Variants in LRMDA observed in about 807,000 individuals in gnomAD.
The protein encoded by LRMDA is leucine-rich melanocyte differentiation-associated protein.
A neutral mutation model predicts 29.8 loss-of-function variants in LRMDA; 18 were observed. That is an observed-to-expected ratio of 0.60 (90% CI 0.42 to 0.90). The LOEUF (loss-of-function observed/expected upper bound fraction) is 0.90. Among genes scored for constraint, LRMDA ranks in the 40% least tolerant of loss-of-function variants. The pLI is 0.00. For missense variants in LRMDA, 273 were observed against 273.9 expected, an observed-to-expected ratio of 1.00 and a Z score of 0.02; for synonymous variants, 125 against 109.4, an observed-to-expected ratio of 1.14 and a Z score of -0.89.
At chr10:75,729,667 T>G (rs940693989) in intron 2 of LRMDA, among the ~76,000 whole-genome samples, 3 of 152,204 alleles carry the variant, frequency 2.0e-5, no homozygotes, top group Non-Finnish European at 4.4e-5. Flanking sequence ...AGGGAGTTTA[T>G]GTATCTGTGT....
chr10:76,403,743 A>G (rs1841873679), intron 6 of LRMDA, among the ~76,000 whole-genome samples: 1 of 152,156 alleles, frequency 6.6e-6, no homozygotes. Flanking sequence ...CATGATGGTT[A>G]TGCTTCTGGT....
intron 2 of LRMDA, among the ~76,000 whole-genome samples, chr10:75,463,230 T>C (rs1844608745): frequency 6.6e-6 from 1 of 152,136 alleles, no homozygotes; most frequent in Admixed American, 6.6e-5. Context: ...AGGGGTGCTT[T>C]CCAAACTTGA....
intron 2 of LRMDA, among the ~76,000 whole-genome samples, chr10:75,718,023 A>G (rs936495080): frequency 2.0e-5 from 3 of 152,210 alleles, no homozygotes; most frequent in African/African-American, 4.8e-5. Context: ...AAGTGAGTTT[A>G]TAAGAGTGCT....
intron 5 of LRMDA, among the ~76,000 whole-genome samples, chr10:76,269,928 G>A (rs1049537749): frequency 6.6e-6 from 1 of 152,208 alleles, no homozygotes; most frequent in Admixed American, 6.5e-5. Context: ...ATACCACCAT[G>A]TGGTGTAGGC....
intron 2 of LRMDA, among the ~76,000 whole-genome samples, chr10:75,917,546 A>G (rs1236885584): frequency 2.0e-5 from 3 of 152,244 alleles, no homozygotes; most frequent in African/African-American, 7.2e-5. Flanking sequence ...TGTGGTCAGA[A>G]CAAGGCTAAA....
intron 6 of LRMDA, among the ~76,000 whole-genome samples, chr10:76,331,000 G>A (rs1178112646): frequency 6.6e-6 from 1 of 152,172 alleles, no homozygotes; most frequent in Non-Finnish European, 1.5e-5. Context: ...GCCAGGTGCC[G>A]TGGCTCACGC....
intron 6 of LRMDA, among the ~76,000 whole-genome samples, chr10:76,391,445 T>C (rs1223691608): frequency 2.0e-5 from 3 of 152,232 alleles, no homozygotes; most frequent in Admixed American, 2.0e-4. Context: ...TAACCTACTA[T>C]GTATTTTATT....
rs149188378 is a variant in LRMDA, at chr10:75,548,424, T to A, written c.131+109930T>A. ...GAGAGTTTTGGGAGTTCCTTTCCCA[T>A]GCAACAGTGAGGAACTCTAATTTTA... On this transcript the variant is annotated intron_variant, in intron 2 of 6. Transcript: ENST00000611255. Among the ~76,000 whole-genome samples, 923 of 152,278 alleles carry A rather than the reference T, an allele frequency of 6.1e-3. 5 individuals carry two copies. The highest frequency in any genetic ancestry group is 0.054 in the Middle Eastern group (16 of 294).
chr10:76,306,377 T>C (rs1840556490), intron 5 of LRMDA, among the ~76,000 whole-genome samples: 1 of 152,230 alleles, frequency 6.6e-6, no homozygotes, highest in African/African-American at 2.4e-5. Flanking sequence ...GTGGGTGCTG[T>C]TGAATTGCTA....
At chr10:75,800,665 G>T (rs1843732277) in intron 2 of LRMDA, among the ~76,000 whole-genome samples, 1 of 151,960 alleles carries the variant, frequency 6.6e-6, no homozygotes, top group Non-Finnish European at 1.5e-5. Flanking sequence ...TTTCCTTGAG[G>T]TTCTTGAAAA....
intron 2 of LRMDA, among the ~76,000 whole-genome samples, chr10:75,656,155 C>T (rs1004569703): frequency 2.0e-5 from 3 of 152,124 alleles, no homozygotes; most frequent in Admixed American, 6.5e-5. Flanking sequence ...TTATTTTATC[C>T]GAAAGTACTT....
At chr10:76,196,214 G>A (rs1402652011) in intron 5 of LRMDA, among the ~76,000 whole-genome samples, 3 of 152,212 alleles carry the variant, frequency 2.0e-5, no homozygotes, top group Admixed American at 6.5e-5. Flanking sequence ...GTGTTTACAT[G>A]AGCTAGGACA....
chr10:75,864,840 C>G (rs1192505697), intron 2 of LRMDA, among the ~76,000 whole-genome samples: 1 of 152,166 alleles, frequency 6.6e-6, no homozygotes, highest in Non-Finnish European at 1.5e-5. Context: ...GGCCACTCAT[C>G]ATAATTAGGT....
intron 2 of LRMDA, among the ~76,000 whole-genome samples, chr10:75,709,742 G>T (rs190784749): frequency 6.6e-6 from 1 of 152,144 alleles, no homozygotes; most frequent in East Asian, 1.9e-4. Context: ...CTTCCACTCG[G>T]CCCTTTAAGA....
At chr10:76,554,870 GGTGTGT>G (rs72203665) in intron 6 of LRMDA, among the ~76,000 whole-genome samples, 35 of 150,502 alleles carry the variant, frequency 2.3e-4, no homozygotes, top group East Asian at 3.9e-4. Flanking sequence ...CATGGTGGGT[GGTGTGT>G]GTGTGTGTGT....
chr10:75,880,131 T>C (rs1373883136), intron 2 of LRMDA, among the ~76,000 whole-genome samples: 1 of 152,238 alleles, frequency 6.6e-6, no homozygotes, highest in Non-Finnish European at 1.5e-5. Context: ...ATGAGTAGTA[T>C]GTGTTTCTTC....
At chr10:75,529,382 G>C (rs1400218275) in intron 2 of LRMDA, among the ~76,000 whole-genome samples, 3 of 152,234 alleles carry the variant, frequency 2.0e-5, no homozygotes, top group Non-Finnish European at 4.4e-5. Flanking sequence ...AGTCAAGATT[G>C]AGGGAAGTGT....
intron 6 of LRMDA, among the ~76,000 whole-genome samples, chr10:76,337,646 G>A (rs948393895): frequency 6.6e-6 from 1 of 152,136 alleles, no homozygotes; most frequent in Non-Finnish European, 1.5e-5. Context: ...GCTAGAACTT[G>A]TAGCCCATTG....
At chr10:75,982,747 G>C (rs995885723) in intron 2 of LRMDA, among the ~76,000 whole-genome samples, 6 of 152,088 alleles carry the variant, frequency 3.9e-5, no homozygotes, top group Non-Finnish European at 8.8e-5. Context: ...CATGGTACTT[G>C]GGTTCTTGCC....
Sources: gnomAD v4.1 joint callset for allele counts (sites outside exome capture counted in the v4.1 genomes callset) on GRCh38, gnomAD v4.1.1 for gene constraint, MANE v1.5 for transcripts, NCBI Gene and HGNC (gene_info 2026-07-23, HGNC 2026-07-21) for gene names.